XIRP2: variants seen among roughly 807,000 people sequenced by gnomAD.
XIRP2 encodes xin actin binding repeat containing 2.
In XIRP2, 236 loss-of-function variants were observed where a neutral mutation model predicts 277.0. The ratio of observed to expected loss-of-function variants is 0.85; its 90% CI spans 0.77 to 0.95. XIRP2 has a LOEUF of 0.95. Among genes scored for constraint, XIRP2 ranks in the 40% least tolerant of loss-of-function variants. The pLI is 0.00. For missense variants in XIRP2, 4,640 were observed against 4,157.5 expected, an observed-to-expected ratio of 1.12 and a Z score of -3.19; for synonymous variants, 1,490 against 1,416.5, an observed-to-expected ratio of 1.05 and a Z score of -1.17.
chr2:166,902,603 T>C (rs916947769), intron 1 of XIRP2, among the ~76,000 whole-genome samples: 1 of 152,076 alleles, frequency 6.6e-6, no homozygotes, highest in Non-Finnish European at 1.5e-5. Flanking sequence ...GATTTGTGTG[T>C]GTGTGTGTGT....
chr2:167,013,333 AG>A lies in XIRP2; in HGVS notation c.408+109445del, dbSNP rs944412167. On this transcript the variant is annotated intron_variant, in intron 2 of 10. Coordinates refer to ENST00000409195, the MANE Select transcript of XIRP2 (RefSeq NM_152381.6). ...ATATTATTTTTAATGTAGAGCACAT[AG>A]GAAAAAAACAATTCTAGACTGAAAA... Among the ~76,000 whole-genome samples, 11 of 151,556 alleles carry A rather than the reference AG, an allele frequency of 7.3e-5. 1 individual carries two copies. The highest frequency in any genetic ancestry group is 4.0e-4 in the Admixed American group (6 of 15,150).
chr2:167,098,379 T>G (rs1267943074), intron 2 of XIRP2, among the ~76,000 whole-genome samples: 1 of 152,210 alleles, frequency 6.6e-6, no homozygotes, highest in Non-Finnish European at 1.5e-5. Flanking sequence ...GTTCTCGTTC[T>G]GTGTTTTTCA....
chr2:167,217,117 A>T (rs946520260), intron 4 of XIRP2, among the ~76,000 whole-genome samples: 1 of 115,876 alleles, frequency 8.6e-6, no homozygotes, highest in Non-Finnish European at 1.7e-5. Flanking sequence ...GGAATATCAC[A>T]CTCTGGGGAC....
chr2:167,236,388 G>A (rs1317732717), intron 5 of XIRP2, among the ~76,000 whole-genome samples: 2 of 152,010 alleles, frequency 1.3e-5, no homozygotes, highest in Non-Finnish European at 2.9e-5. Context: ...ACTGCTTCCT[G>A]TGCAGGAGAA....
intron 2 of XIRP2, among the ~76,000 whole-genome samples, chr2:167,013,345 A>G (rs1245407650): frequency 1.3e-5 from 2 of 151,430 alleles, no homozygotes; most frequent in Non-Finnish European, 3.0e-5. Context: ...GAAAAAAACA[A>G]TTCTAGACTG....
At chr2:167,200,446 G>A (rs1693650063) in intron 3 of XIRP2, among the ~76,000 whole-genome samples, 1 of 152,194 alleles carries the variant, frequency 6.6e-6, no homozygotes, top group Admixed American at 6.5e-5. Flanking sequence ...TAAGGGGGCG[G>A]GGTGGAAAGA....
At chr2:166,914,847 T>A (rs1029336064) in intron 2 of XIRP2, among the ~76,000 whole-genome samples, 2 of 152,174 alleles carry the variant, frequency 1.3e-5, no homozygotes, top group Admixed American at 1.3e-4. Flanking sequence ...TATTTGTAGT[T>A]AGTAGTATGA....
At chr2:167,223,900 T>G (rs7564986) in intron 5 of XIRP2, among the ~76,000 whole-genome samples, 35,160 of 152,072 alleles carry the variant, frequency 0.23, 5,047 homozygotes, top group African/African-American at 0.4. Flanking sequence ...AGAGAGACTG[T>G]GTTATAATCC....
At chr2:166,973,657 C>T (rs1409296485) in intron 2 of XIRP2, among the ~76,000 whole-genome samples, 1 of 152,162 alleles carries the variant, frequency 6.6e-6, no homozygotes, top group Non-Finnish European at 1.5e-5. Context: ...CTTCAAAGCA[C>T]TTCAGAATCT....
chr2:167,226,968 G>A (rs57543537), intron 5 of XIRP2, among the ~76,000 whole-genome samples: 43,685 of 151,908 alleles, frequency 0.29, 8,419 homozygotes, highest in African/African-American at 0.55. Context: ...ATCCCCAGGC[G>A]GCCCAGGTAA....
At chr2:167,083,301 A>C (rs867358100) in intron 2 of XIRP2, among the ~76,000 whole-genome samples, 6 of 152,136 alleles carry the variant, frequency 3.9e-5, no homozygotes, top group South Asian at 2.1e-4. Context: ...CCATTGATCT[A>C]TATCTCTGTT....
chr2:166,928,661 T>C (rs1245906350), intron 2 of XIRP2, among the ~76,000 whole-genome samples: 4 of 152,126 alleles, frequency 2.6e-5, no homozygotes. Context: ...CTTTTGTGAT[T>C]TAATCAATGT....
In XIRP2 at chr2:167,243,511, C is replaced by T. The variant is rs775118091; in HGVS notation, c.2119C>T (p.Leu707Phe). 6.2e-7 allele frequency: 1 copy of T among 1,613,982 alleles called. No homozygotes were observed. Among genetic ancestry groups the T allele is most frequent in the Admixed American group, 1.7e-5 (1 of 60,010 alleles). Residue 707 changes from leucine (L) to phenylalanine (F), a missense_variant, in exon 9 of 11, where the codon CTT becomes TTT. By Grantham distance (22) the Leu-to-Phe change is conservative. Transcript: ENST00000409195. ...ETQHLDQLGQ[L>F]HSVDEVHLLQ... ...TCAACATCTAGATCAACTTGGACAG[C>T]TTCATTCAGTGGATGAGGTTCATTT...
chr2:167,034,820 A>C (rs1688467539), intron 2 of XIRP2, among the ~76,000 whole-genome samples: 1 of 152,176 alleles, frequency 6.6e-6, no homozygotes, highest in South Asian at 2.1e-4. Flanking sequence ...GATTGACCTG[A>C]TATGGTTTGG....
intron 3 of XIRP2, among the ~76,000 whole-genome samples, chr2:167,193,189 T>G (rs1693398998): frequency 6.6e-6 from 1 of 152,190 alleles, no homozygotes; most frequent in Non-Finnish European, 1.5e-5. Flanking sequence ...CTATAGCAGT[T>G]GTCAACTCTA....
chr2:167,017,554 C>A (rs74699927), intron 2 of XIRP2, among the ~76,000 whole-genome samples: 5,377 of 151,970 alleles, frequency 0.035, 122 homozygotes, highest in East Asian at 0.078. Flanking sequence ...GGGAAACTTG[C>A]TGGAAATCAA....
At chr2:167,166,841 A>G (rs889903479) in intron 3 of XIRP2, among the ~76,000 whole-genome samples, 1 of 152,156 alleles carries the variant, frequency 6.6e-6, no homozygotes, top group Non-Finnish European at 1.5e-5. Flanking sequence ...TTTGGGAGGG[A>G]CAAACATCCA....
At chr2:166,982,846 CCAA>C (rs1183218809) in intron 2 of XIRP2, among the ~76,000 whole-genome samples, 1 of 152,156 alleles carries the variant, frequency 6.6e-6, no homozygotes, top group Non-Finnish European at 1.5e-5. Context: ...ATTCTTGAAG[CCAA>C]CAACATGGTA....
intron 2 of XIRP2, among the ~76,000 whole-genome samples, chr2:166,957,270 G>A (rs961030811): frequency 4.0e-5 from 6 of 151,680 alleles, no homozygotes; most frequent in African/African-American, 1.5e-4. Context: ...GGGAAAAAAT[G>A]TAGGAAATGC....
Sources: gnomAD v4.1 joint callset for allele counts (sites outside exome capture counted in the v4.1 genomes callset) on GRCh38, gnomAD v4.1.1 for gene constraint, MANE v1.5 for transcripts, NCBI Gene and HGNC (gene_info 2026-07-23, HGNC 2026-07-21) for gene names.